The following SNTG1 variants were observed in gnomAD, a reference collection of about 807,000 sequenced individuals.
The protein encoded by SNTG1 is gamma-1-syntrophin.
A neutral mutation model predicts 74.7 loss-of-function variants in SNTG1; 39 were observed. The observed-to-expected ratio is 0.52, with a 90% CI of 0.40 to 0.68. The LOEUF is 0.68. SNTG1 is among the 30% of genes least tolerant of loss of function. SNTG1 has a pLI of 0.00. For synonymous variants in SNTG1, 254 were observed against 217.1 expected (o/e 1.17, Z -1.49); for missense variants, 685 against 609.5 (o/e 1.12, Z -1.30).
intron 11 of SNTG1, among the ~76,000 whole-genome samples, chr8:50,545,121 T>C (rs1286686103): frequency 6.6e-6 from 1 of 151,980 alleles, no homozygotes; most frequent in East Asian, 1.9e-4. Context: ...TATTTCTTGG[T>C]TGCTTTTTTT....
intron 1 of SNTG1, among the ~76,000 whole-genome samples, chr8:50,160,836 T>C (rs780063284): frequency 1.5e-4 from 23 of 152,130 alleles, no homozygotes; most frequent in Non-Finnish European, 2.4e-4. Flanking sequence ...AACTTGGGCA[T>C]AGAACATAGA....
chr8:50,549,302 A>C (rs150996027), intron 11 of SNTG1, among the ~76,000 whole-genome samples: 23 of 152,266 alleles, frequency 1.5e-4, no homozygotes, highest in African/African-American at 5.5e-4. Flanking sequence ...TACACTCAAC[A>C]AGACAGAGTA....
chr8:50,521,264 G>C (rs1340268941), intron 9 of SNTG1, among the ~76,000 whole-genome samples: 5 of 152,072 alleles, frequency 3.3e-5, no homozygotes, highest in African/African-American at 1.2e-4. Context: ...ACCAAGGCCT[G>C]ATGGGGGCTG....
chr8:50,511,331 T>A (rs2094072135), intron 9 of SNTG1, among the ~76,000 whole-genome samples: 1 of 152,196 alleles, frequency 6.6e-6, no homozygotes, highest in Non-Finnish European at 1.5e-5. Context: ...GTGCTTTACT[T>A]CCAACTATGT....
chr8:50,323,406 T>A (rs778147614), intron 2 of SNTG1, among the ~76,000 whole-genome samples: 1 of 152,138 alleles, frequency 6.6e-6, no homozygotes, highest in African/African-American at 2.4e-5. Flanking sequence ...TGATTGTAAA[T>A]GTTCTTTGGT....
chr8:50,401,583 T>C (rs2092805949), intron 3 of SNTG1, among the ~76,000 whole-genome samples: 1 of 151,528 alleles, frequency 6.6e-6, no homozygotes, highest in Admixed American at 6.6e-5. Flanking sequence ...CTTCTAGGTA[T>C]AAACTGTGTG....
intron 1 of SNTG1, among the ~76,000 whole-genome samples, chr8:49,970,454 C>T (rs1811559541): frequency 6.6e-6 from 1 of 152,172 alleles, no homozygotes; most frequent in Non-Finnish European, 1.5e-5. Context: ...CTGATGTGAA[C>T]AGTGCTTCTC....
chr8:50,130,754 CA>C (rs2081290568), intron 1 of SNTG1, among the ~76,000 whole-genome samples: 2 of 151,998 alleles, frequency 1.3e-5, no homozygotes, highest in East Asian at 3.9e-4. Context: ...TAATACTGAG[CA>C]AAAAATTATT....
chr8:50,120,230 G>C (rs2080950685), intron 1 of SNTG1, among the ~76,000 whole-genome samples: 1 of 140,790 alleles, frequency 7.1e-6, no homozygotes, highest in Admixed American at 7.4e-5. Context: ...CTGACCCTTA[G>C]AAAACACTTA....
intron 2 of SNTG1, among the ~76,000 whole-genome samples, chr8:50,257,363 G>T (rs1333948126): frequency 6.6e-6 from 1 of 152,162 alleles, no homozygotes; most frequent in Non-Finnish European, 1.5e-5. Context: ...TCGTAGAGTA[G>T]GGGTGCCCCT....
chr8:50,422,686 G>A (rs541886606), intron 4 of SNTG1, among the ~76,000 whole-genome samples: 3 of 152,066 alleles, frequency 2.0e-5, no homozygotes, highest in Non-Finnish European at 4.4e-5. Flanking sequence ...ACAGGAGTGG[G>A]GTTGGTGGGG....
chr8:49,991,188 A>C (rs1813651418), intron 1 of SNTG1, among the ~76,000 whole-genome samples: 1 of 152,176 alleles, frequency 6.6e-6, no homozygotes, highest in South Asian at 2.1e-4. Context: ...CACATGAAAA[A>C]GATGATCAAC....
intron 2 of SNTG1, among the ~76,000 whole-genome samples, chr8:50,230,534 A>G (rs993636961): frequency 4.0e-5 from 6 of 151,402 alleles, no homozygotes; most frequent in African/African-American, 1.4e-4. Context: ...GAGCTTTATT[A>G]CTATTAAGGA....
At chr8:50,187,451 A>G (rs1459124381) in intron 2 of SNTG1, among the ~76,000 whole-genome samples, 2 of 152,174 alleles carry the variant, frequency 1.3e-5, no homozygotes, top group African/African-American at 4.8e-5. Context: ...TTCTGGGTAA[A>G]CTGACTAGCC....
intron 1 of SNTG1, among the ~76,000 whole-genome samples, chr8:50,129,188 A>G (rs750128265): frequency 6.6e-6 from 1 of 152,170 alleles, no homozygotes; most frequent in Non-Finnish European, 1.5e-5. Context: ...AGAATGAATA[A>G]ATTATATTAA....
At chr8:50,690,710 A>C (rs2095374209) in intron 15 of SNTG1, among the ~76,000 whole-genome samples, 1 of 152,196 alleles carries the variant, frequency 6.6e-6, no homozygotes, top group Non-Finnish European at 1.5e-5. Context: ...GGTGCTGAAA[A>C]GAATGTATAT....
intron 18 of SNTG1, among the ~76,000 whole-genome samples, chr8:50,791,873 C>T (rs1351987238): frequency 6.6e-6 from 1 of 151,752 alleles, no homozygotes; most frequent in African/African-American, 2.4e-5. Context: ...ATACTAGCAA[C>T]ATCATCTTTC....
intron 2 of SNTG1, among the ~76,000 whole-genome samples, chr8:50,346,975 C>A (rs191574807): frequency 8.5e-5 from 13 of 152,316 alleles, no homozygotes; most frequent in Admixed American, 8.5e-4. Flanking sequence ...CAGGGTAAAG[C>A]AGCAAATGCT....
At chr8:50,391,552 C>A (rs1373266439) in intron 2 of SNTG1, among the ~76,000 whole-genome samples, 2 of 152,082 alleles carry the variant, frequency 1.3e-5, no homozygotes, top group Non-Finnish European at 2.9e-5. Flanking sequence ...TGTGTCTCTG[C>A]CAGACTTTGT....
Sources: gnomAD v4.1 joint callset for allele counts (sites outside exome capture counted in the v4.1 genomes callset) on GRCh38, gnomAD v4.1.1 for gene constraint, MANE v1.5 for transcripts, NCBI Gene and HGNC (gene_info 2026-07-23, HGNC 2026-07-21) for gene names.